NDUFS4: variants seen among roughly 807,000 people sequenced by gnomAD.
The protein encoded by NDUFS4 is NADH dehydrogenase [ubiquinone] iron-sulfur protein 4, mitochondrial.
Under a neutral mutation model 24.3 loss-of-function variants are expected in NDUFS4, and 28 were observed. The observed-to-expected ratio is 1.15, with a 90% CI of 0.85 to 1.58. The LOEUF (loss-of-function observed/expected upper bound fraction) is 1.58, where lower values mean the gene tolerates loss of function less well. Ranked by LOEUF, NDUFS4 falls within the 40% of genes most tolerant of loss-of-function variation. NDUFS4 has a pLI of 0.00. For missense variants in NDUFS4, 223 were observed against 207.9 expected (o/e 1.07, Z -0.45); for synonymous variants, 93 against 69.7 (o/e 1.34, Z -1.67).
chr5:53,673,446 G>A (rs754518578), intron 4 of NDUFS4, among the ~76,000 whole-genome samples: 5 of 152,026 alleles, frequency 3.3e-5, no homozygotes, highest in Admixed American at 1.3e-4. Flanking sequence ...AAAGTTGTCC[G>A]GAGATGTGAA....
intron 4 of NDUFS4, among the ~76,000 whole-genome samples, chr5:53,660,441 A>T (rs1459516479): frequency 6.6e-6 from 1 of 152,072 alleles, no homozygotes; most frequent in Admixed American, 6.5e-5. Flanking sequence ...GCTATTGTGA[A>T]TAGTGCCGCA....
At chr5:53,659,986 C>A (rs1752283488) in intron 4 of NDUFS4, among the ~76,000 whole-genome samples, 1 of 151,514 alleles carries the variant, frequency 6.6e-6, no homozygotes, top group South Asian at 2.1e-4. Context: ...TAAGTATACC[C>A]TATTCTGTTA....
At chr5:53,600,893 C>T (rs2130744) in intron 1 of NDUFS4, among the ~76,000 whole-genome samples, 119,422 of 152,028 alleles carry the variant, frequency 0.79, 47,029 homozygotes, top group African/African-American at 0.84. Flanking sequence ...AAAATTTTTA[C>T]TGTAACTTTA....
chr5:53,674,958 A>C (rs377650018), intron 4 of NDUFS4, among the ~76,000 whole-genome samples: 1 of 152,200 alleles, frequency 6.6e-6, no homozygotes, highest in East Asian at 1.9e-4. Context: ...TACCTACACG[A>C]TATGAACTTG....
Position 53,658,580 on chromosome 5 carries a change from C to A in NDUFS4, c.380C>A (p.Thr127Asn). 1 of 1,613,286 alleles carries A rather than the reference C, an allele frequency of 6.2e-7. No homozygotes were observed. Among genetic ancestry groups the A allele is most frequent in the African/African-American group, 1.3e-5 (1 of 74,970 alleles). ...GATCCCTTATCCAACATGGTTCTAA[C>A]CTTCAGTACTAAAGAAGATGCAGTT... is the stretch of plus-strand genomic sequence containing the variant. ...TADPLSNMVLTFSTKEDAVSF... is the reference protein window; with the variant it reads ...TADPLSNMVLNFSTKEDAVSF... The change falls in exon 4 of 5, where the codon ACC becomes AAC. Residue 127 changes from threonine to asparagine, a missense_variant. Coordinates refer to ENST00000296684, the MANE Select transcript of NDUFS4 (RefSeq NM_002495.4).
intron 2 of NDUFS4, among the ~76,000 whole-genome samples, chr5:53,628,319 C>T (rs1280256933): frequency 1.3e-5 from 2 of 152,186 alleles, no homozygotes; most frequent in African/African-American, 4.8e-5. Context: ...CGATGTTCAT[C>T]ATGGGTATTG....
At chr5:53,656,349 T>G (rs1752161002) in intron 3 of NDUFS4, among the ~76,000 whole-genome samples, 1 of 152,016 alleles carries the variant, frequency 6.6e-6, no homozygotes, top group African/African-American at 2.4e-5. Context: ...AATTGAGAAA[T>G]GAGCAAATAA....
intron 2 of NDUFS4, among the ~76,000 whole-genome samples, chr5:53,616,023 A>G (rs934756010): frequency 3.3e-5 from 5 of 152,140 alleles, no homozygotes; most frequent in African/African-American, 1.2e-4. Flanking sequence ...CTGATTTAGT[A>G]TGCATTATAA....
chr5:53,609,385 T>G (rs1468947054), intron 2 of NDUFS4, among the ~76,000 whole-genome samples: 1 of 152,184 alleles, frequency 6.6e-6, no homozygotes, highest in Non-Finnish European at 1.5e-5. Context: ...AGTAATATTT[T>G]GAAAATAATC....
chr5:53,580,578 C>T (rs928109459), intron 1 of NDUFS4, among the ~76,000 whole-genome samples: 23 of 152,204 alleles, frequency 1.5e-4, no homozygotes, highest in Admixed American at 1.5e-3. Flanking sequence ...TTTGCACAGG[C>T]GTCTCAAATC....
At chr5:53,594,726 A>T (rs1042851986) in intron 1 of NDUFS4, among the ~76,000 whole-genome samples, 1 of 152,028 alleles carries the variant, frequency 6.6e-6, no homozygotes, top group South Asian at 2.1e-4. Context: ...ATTATTTTTC[A>T]TTCCTAGTTT....
chr5:53,594,473 A>G (rs571543192), intron 1 of NDUFS4, among the ~76,000 whole-genome samples: 1 of 152,076 alleles, frequency 6.6e-6, no homozygotes, highest in Admixed American at 6.5e-5. Context: ...TTATTTTTTA[A>G]TCTACTCCGA....
Position 53,612,709 on chromosome 5 carries a change from GATTA to G in NDUFS4, c.177+9184_177+9187del, listed in dbSNP as rs373054273. ...GCTTGCAATAAATAAATCGCTGTTT[GATTA>G]ATTAGCACACGGTACTGGTAGCATG... On this transcript the variant is annotated intron_variant, in intron 2 of 4. Coordinates refer to ENST00000296684, the MANE Select transcript of NDUFS4 (RefSeq NM_002495.4). Among the ~76,000 whole-genome samples the G allele has an allele frequency of 6.8e-4, 104 of 152,168 alleles. 1 individual carries two copies. The South Asian group carries it at 0.021, about 30-fold the overall frequency.
intron 1 of NDUFS4, among the ~76,000 whole-genome samples, chr5:53,578,637 A>ACAC (rs1749462137): frequency 6.6e-6 from 1 of 152,154 alleles, no homozygotes; most frequent in Admixed American, 6.5e-5. Context: ...CCTGTTTTGT[A>ACAC]AAGTATATAA....
chr5:53,616,930 A>AT (rs1283303616), intron 2 of NDUFS4, among the ~76,000 whole-genome samples: 1 of 151,924 alleles, frequency 6.6e-6, no homozygotes, highest in South Asian at 2.1e-4. Flanking sequence ...CAATTTGGTG[A>AT]TTTTTTTTCT....
In NDUFS4 at chr5:53,580,429, T is replaced by G. The variant is rs145989275; in HGVS notation, c.98+19669T>G. Among the ~76,000 whole-genome samples the G allele has an allele frequency of 3.7e-3, 556 of 152,324 alleles. 4 individuals are homozygous for G. The highest frequency in any genetic ancestry group is 0.013 in the African/African-American group (541 of 41,574). On this transcript the variant is annotated intron_variant, in intron 1 of 4. Transcript: ENST00000296684. ...TGGAGGGGATCTTCCTAAATTAGAA[T>G]TTCCAAAGATGATTTTTGCTATTTG...
intron 2 of NDUFS4, among the ~76,000 whole-genome samples, chr5:53,639,399 TATATAAA>T (rs1489589716): frequency 1.3e-5 from 2 of 151,900 alleles, no homozygotes; most frequent in African/African-American, 4.8e-5. Context: ...ATTCCAAAAG[TATATAAA>T]TTCAAATTTA....
At chr5:53,617,368 T>C (rs997363807) in intron 2 of NDUFS4, among the ~76,000 whole-genome samples, 3 of 152,160 alleles carry the variant, frequency 2.0e-5, no homozygotes, top group Non-Finnish European at 4.4e-5. Context: ...ACTATGTAGC[T>C]GTAGGTCATC....
intron 1 of NDUFS4, among the ~76,000 whole-genome samples, chr5:53,597,042 G>T (rs1194194379): frequency 1.3e-5 from 2 of 152,160 alleles, no homozygotes; most frequent in Non-Finnish European, 2.9e-5. Context: ...TACAATTTGG[G>T]CAGGTTTTGC....
Sources: gnomAD v4.1 joint callset for allele counts (sites outside exome capture counted in the v4.1 genomes callset) on GRCh38, gnomAD v4.1.1 for gene constraint, MANE v1.5 for transcripts, NCBI Gene and HGNC (gene_info 2026-07-23, HGNC 2026-07-21) for gene names.